ASIC2: variants seen among roughly 807,000 people sequenced by gnomAD.
ASIC2 encodes acid sensing ion channel subunit 2, also known as acid-sensing ion channel 2.
In ASIC2, 25 loss-of-function variants were observed where a neutral mutation model predicts 57.3. The observed-to-expected ratio is 0.44, with a 90% CI of 0.32 to 0.61. The LOEUF (loss-of-function observed/expected upper bound fraction) is 0.61. Ranked by LOEUF, ASIC2 falls within the 20% of genes least tolerant of loss-of-function variation. The pLI, the probability that ASIC2 is intolerant of heterozygous loss-of-function variation, is 0.06. For synonymous variants in ASIC2, 319 were observed against 307.5 expected (o/e 1.04, Z -0.39); for missense variants, 641 against 738.1 (o/e 0.87, Z 1.52).
intron 1 of ASIC2, among the ~76,000 whole-genome samples, chr17:33,909,067 A>C (rs1304395940): frequency 6.6e-6 from 1 of 152,184 alleles, no homozygotes; most frequent in African/African-American, 2.4e-5. Context: ...CACCATTTTG[A>C]CACTGCCATT....
intron 1 of ASIC2, among the ~76,000 whole-genome samples, chr17:33,580,450 A>C (rs1215124347): frequency 6.6e-6 from 1 of 152,202 alleles, no homozygotes; most frequent in Non-Finnish European, 1.5e-5. Context: ...GTATCATGAA[A>C]GAATGCAAAT....
intron 1 of ASIC2, chr17:34,005,062 G>A (rs910141051): frequency 6.6e-6 from 1 of 152,046 alleles, no homozygotes; most frequent in African/African-American, 2.4e-5. Context: ...TCTCTTTCAG[G>A]GGATGAGGGG....
Position 33,803,036 on chromosome 17 carries a change from G to T in ASIC2, c.555+352942C>A, listed in dbSNP as rs553902139. Among the ~76,000 whole-genome samples the T allele has an allele frequency of 2.0e-5, 3 of 152,302 alleles. No individual in the cohort carries two copies. The East Asian group carries it at 5.8e-4, about 29-fold the overall frequency. On this transcript the variant is annotated intron_variant, in intron 1 of 9. Coordinates refer to the ASIC2 transcript ENST00000359872. ...GCTGGTAAACCTCTCTCTTTTCTCAGCTCCAAAGTCAGTCTTTTGTTCTGA... is the reference window on the plus strand; with the variant it reads ...GCTGGTAAACCTCTCTCTTTTCTCATCTCCAAAGTCAGTCTTTTGTTCTGA...
chr17:33,799,806 T>C (rs1329250556), intron 1 of ASIC2, among the ~76,000 whole-genome samples: 5 of 152,096 alleles, frequency 3.3e-5, no homozygotes, highest in African/African-American at 1.2e-4. Context: ...AAGAGGGTAC[T>C]CTTTACATAG....
At chr17:34,124,981 T>C (rs1911735226) in intron 1 of ASIC2, among the ~76,000 whole-genome samples, 1 of 149,758 alleles carries the variant, frequency 6.7e-6, no homozygotes, top group African/African-American at 2.5e-5. Context: ...AAATGTCCTG[T>C]TCACCCACAC....
At chr17:33,669,276 G>A (rs577763449) in intron 1 of ASIC2, among the ~76,000 whole-genome samples, 1 of 152,284 alleles carries the variant, frequency 6.6e-6, no homozygotes, top group East Asian at 1.9e-4. Flanking sequence ...AGCAGCAACT[G>A]TCTGCAACAT....
At chr17:33,845,720 A>G (rs981536431) in intron 1 of ASIC2, among the ~76,000 whole-genome samples, 3 of 152,218 alleles carry the variant, frequency 2.0e-5, no homozygotes, top group Non-Finnish European at 4.4e-5. Context: ...TGCAATGTAT[A>G]TACATGATTA....
chr17:34,121,118 G>A (rs1175283797), intron 1 of ASIC2, among the ~76,000 whole-genome samples: 1 of 152,064 alleles, frequency 6.6e-6, no homozygotes, highest in African/African-American at 2.4e-5. Flanking sequence ...AGATTGGAGC[G>A]AGGCATCTAT....
intron 1 of ASIC2, among the ~76,000 whole-genome samples, chr17:33,796,046 C>G (rs1911909363): frequency 6.6e-6 from 1 of 152,232 alleles, no homozygotes; most frequent in Non-Finnish European, 1.5e-5. Flanking sequence ...CTGTAAATCT[C>G]CATGACTGTG....
intron 1 of ASIC2, among the ~76,000 whole-genome samples, chr17:34,013,909 G>C (rs73986807): frequency 1.3e-5 from 2 of 152,134 alleles, no homozygotes; most frequent in Non-Finnish European, 1.5e-5. Context: ...GATAGATAAG[G>C]GGTATGGGAT....
In ASIC2 at chr17:33,778,230, AG is replaced by A. The variant is rs1200414825; in HGVS notation, c.555+377747del. On this transcript the variant is annotated intron_variant, in intron 1 of 9. Coordinates refer to the ASIC2 transcript ENST00000359872. ...ATCCTCTGTGAATACTTATAAAAAA[AG>A]CTCTTGCTTCAAAACTAGAAGCATG... Among the ~76,000 whole-genome samples the A allele has an allele frequency of 2.6e-5, 4 of 152,278 alleles. No homozygotes were observed. The East Asian group carries it at 7.7e-4, about 29-fold the overall frequency.
At chr17:33,465,589 G>C (rs35430819) in intron 1 of ASIC2, among the ~76,000 whole-genome samples, 19,635 of 152,024 alleles carry the variant, frequency 0.13, 1,404 homozygotes, top group South Asian at 0.18. Context: ...GGCCAGGCTG[G>C]TCTTGAACTC....
intron 1 of ASIC2, among the ~76,000 whole-genome samples, chr17:33,897,108 G>A (rs906550622): frequency 1.3e-5 from 2 of 152,180 alleles, no homozygotes; most frequent in Non-Finnish European, 2.9e-5. Context: ...ATGATAAAGG[G>A]ATATTATCAC....
chr17:33,472,365 T>C (rs1160390751), intron 1 of ASIC2, among the ~76,000 whole-genome samples: 1 of 152,166 alleles, frequency 6.6e-6, no homozygotes, highest in Non-Finnish European at 1.5e-5. Context: ...ACACCCACCA[T>C]GCACTGGGCA....
intron 1 of ASIC2, among the ~76,000 whole-genome samples, chr17:33,198,303 G>A (rs1007184834): frequency 2.0e-5 from 3 of 152,212 alleles, no homozygotes; most frequent in Admixed American, 1.3e-4. Context: ...AGGGAGCCAT[G>A]TTTGCACCAC....
chr17:33,536,413 T>G (rs1915231207), intron 1 of ASIC2, among the ~76,000 whole-genome samples: 1 of 152,230 alleles, frequency 6.6e-6, no homozygotes. Context: ...TGATGTCATA[T>G]TGAAAGTTTT....
chr17:33,610,882 A>C (rs990218281), intron 1 of ASIC2, among the ~76,000 whole-genome samples: 1 of 152,126 alleles, frequency 6.6e-6, no homozygotes. Context: ...GCAACAGAGC[A>C]AGACCCTGTC....
intron 1 of ASIC2, among the ~76,000 whole-genome samples, chr17:33,326,576 G>C (rs320628): frequency 6.6e-6 from 1 of 152,144 alleles, no homozygotes; most frequent in African/African-American, 2.4e-5. Flanking sequence ...GCACTCAGTT[G>C]TCTAGCAATG....
chr17:34,095,831 G>A (rs113422362), intron 1 of ASIC2, among the ~76,000 whole-genome samples: 240 of 150,208 alleles, frequency 1.6e-3, no homozygotes, highest in African/African-American at 5.8e-3. Context: ...GAAAGTGAAG[G>A]GTTGGAGGAG....
Sources: gnomAD v4.1 joint callset for allele counts (sites outside exome capture counted in the v4.1 genomes callset) on GRCh38, gnomAD v4.1.1 for gene constraint, MANE v1.5 for transcripts, NCBI Gene and HGNC (gene_info 2026-07-23, HGNC 2026-07-21) for gene names.